The following ATAD2B variants were observed in gnomAD, a reference collection of about 807,000 sequenced individuals.
The protein encoded by ATAD2B is ATPase family AAA domain-containing protein 2B.
ATAD2B carries 40 observed loss-of-function variants against 167.6 expected under a neutral mutation model. The ratio of observed to expected loss-of-function variants is 0.24; its 90% confidence interval spans 0.19 to 0.31. ATAD2B has a LOEUF of 0.31. ATAD2B is among the 10% of genes least tolerant of loss of function. The pLI is 1.00. For missense variants in ATAD2B, 1,242 were observed against 1,757.2 expected (o/e 0.71, Z 5.24); for synonymous variants, 579 against 596.5 (o/e 0.97, Z 0.43).
intron 8 of ATAD2B, among the ~76,000 whole-genome samples, chr2:23,871,288 TA>T (rs111725128): frequency 2.0e-5 from 3 of 148,120 alleles, no homozygotes; most frequent in South Asian, 2.1e-4. Context: ...TCTGCTTTAC[TA>T]AAAAAAAAAC....
intron 1 of ATAD2B, among the ~76,000 whole-genome samples, chr2:23,903,600 A>G (rs1701095473): frequency 6.6e-6 from 1 of 152,214 alleles, no homozygotes; most frequent in African/African-American, 2.4e-5. Context: ...AAGTGAGGCA[A>G]AAGAACTTGA....
At chr2:23,711,571 A>G in the ATAD2B span, among the ~76,000 whole-genome samples, 1 of 151,706 alleles carries the variant, frequency 6.6e-6, no homozygotes, top group Non-Finnish European at 1.5e-5. Context: ...GGGTTTCACC[A>G]TGTTGGCCAG....
At chr2:23,780,139 C>G (rs1470181382) in intron 22 of ATAD2B, among the ~76,000 whole-genome samples, 5 of 151,678 alleles carry the variant, frequency 3.3e-5, no homozygotes, top group African/African-American at 7.3e-5. Context: ...TACCCAGCTA[C>G]CAGGAGGCTA....
chr2:23,703,591 C>T, the ATAD2B span: 3 of 1,238,550 alleles, frequency 2.4e-6, no homozygotes, highest in African/African-American at 4.5e-5. Flanking sequence ...CCGGACCCAT[C>T]CCCAGGCCAA....
At chr2:23,888,839 A>T (rs990327228) in intron 2 of ATAD2B, among the ~76,000 whole-genome samples, 2 of 152,220 alleles carry the variant, frequency 1.3e-5, no homozygotes, top group African/African-American at 4.8e-5. Context: ...TAATTTCTTC[A>T]AAGTATTTTA....
intron 1 of ATAD2B, among the ~76,000 whole-genome samples, chr2:23,915,222 T>C (rs925622966): frequency 2.0e-5 from 3 of 152,120 alleles, no homozygotes; most frequent in Non-Finnish European, 4.4e-5. Flanking sequence ...ATATCACTTA[T>C]GAAAACTTAA....
At position 23,758,169 on chromosome 2, in the gene ATAD2B, TTAAACAGGACCCAAAAGAAAG is replaced by T. The variant is rs1487802675; in HGVS notation, c.3395-89_3395-69del. On this transcript the variant is annotated intron_variant, in intron 24 of 27. Transcript: ENST00000238789. Reference sequence around the variant, plus strand: ...GCAATACCAATTTTACATATGTTTATTAAACAGGACCCAAAAGAAAGTAAACCCATGCTGATGTAACACACA... The same window carrying T: ...GCAATACCAATTTTACATATGTTTATTAAACCCATGCTGATGTAACACACA... 7.0e-6 allele frequency: 9 copies of T among 1,282,062 alleles called. No homozygotes were observed. In the Admixed American group the frequency reaches 2.2e-4, roughly 31 times the overall value. 79.4% of individuals were successfully genotyped at this position (1,282,062 alleles called of 1,614,324 possible).
Position 23,796,769 on chromosome 2 carries a change from A to G in ATAD2B, c.2640+1369T>C, listed in dbSNP as rs973167437. ...ATAATACTAATACCAAACATTTAATAGCTCCATGGTTTCAAAAGAAATTCA... is the reference window on the plus strand; with the variant it reads ...ATAATACTAATACCAAACATTTAATGGCTCCATGGTTTCAAAAGAAATTCA... On this transcript the variant is annotated intron_variant, in intron 19 of 27. Transcript: ENST00000238789. Among the ~76,000 whole-genome samples, 9 of 152,300 alleles carry G rather than the reference A, an allele frequency of 5.9e-5. No homozygotes were observed. The South Asian group carries it at 1.9e-3, about 32-fold the overall frequency.
chr2:23,838,083 A>C (rs750146278), intron 13 of ATAD2B, among the ~76,000 whole-genome samples: 3 of 152,154 alleles, frequency 2.0e-5, no homozygotes, highest in Non-Finnish European at 1.5e-5. Context: ...CTCCTTCCCA[A>C]ACACACTGCT....
intron 1 of ATAD2B, among the ~76,000 whole-genome samples, chr2:23,902,296 T>A (rs1700940515): frequency 1.3e-5 from 2 of 152,208 alleles, no homozygotes; most frequent in African/African-American, 4.8e-5. Context: ...TTTGGCTCTA[T>A]GACAGAGACC....
chr2:23,922,397 T>C (rs1247058807), intron 1 of ATAD2B, among the ~76,000 whole-genome samples: 3 of 151,854 alleles, frequency 2.0e-5, no homozygotes, highest in Non-Finnish European at 4.4e-5. Flanking sequence ...AGCCACAGTA[T>C]ACAGGAGTAA....
chr2:23,718,419 T>G, the ATAD2B span, among the ~76,000 whole-genome samples: 2 of 152,146 alleles, frequency 1.3e-5, no homozygotes, highest in African/African-American at 4.8e-5. Context: ...CTTAGGAGCC[T>G]GAGAGTCAGG....
the ATAD2B span, among the ~76,000 whole-genome samples, chr2:23,715,085 C>A: frequency 6.6e-6 from 1 of 152,074 alleles, no homozygotes; most frequent in African/African-American, 2.4e-5. Flanking sequence ...AACAACCAAC[C>A]CACACATCCA....
chr2:23,692,015 C>T, the ATAD2B span: 2 of 779,994 alleles, frequency 2.6e-6, no homozygotes, highest in Non-Finnish European at 4.1e-6. Flanking sequence ...TTTGGCAGGG[C>T]TGTTTTAAGA....
At chr2:23,904,792 C>A (rs921282975) in intron 1 of ATAD2B, among the ~76,000 whole-genome samples, 2 of 151,968 alleles carry the variant, frequency 1.3e-5, no homozygotes, top group Admixed American at 1.3e-4. Flanking sequence ...AACAAGTATT[C>A]CTGTTTTCAC....
At chr2:23,699,762 G>A in the ATAD2B span, among the ~76,000 whole-genome samples, 2 of 152,148 alleles carry the variant, frequency 1.3e-5, no homozygotes, top group Non-Finnish European at 2.9e-5. Flanking sequence ...CCCACCACAC[G>A]AGAAGGGAAG....
intron 24 of ATAD2B, among the ~76,000 whole-genome samples, chr2:23,760,270 C>T (rs907777420): frequency 2.0e-4 from 30 of 152,172 alleles, no homozygotes; most frequent in African/African-American, 7.0e-4. Context: ...CACATTAGCT[C>T]CACAAGAAGA....
At chr2:23,742,467 C>T in the ATAD2B span, among the ~76,000 whole-genome samples, 4 of 149,076 alleles carry the variant, frequency 2.7e-5, no homozygotes, top group Non-Finnish European at 5.9e-5. Context: ...AAAAACCAAA[C>T]ACCACATGTT....
At chr2:23,916,478 C>A (rs1175559549) in intron 1 of ATAD2B, among the ~76,000 whole-genome samples, 3 of 152,106 alleles carry the variant, frequency 2.0e-5, no homozygotes, top group Non-Finnish European at 4.4e-5. Flanking sequence ...TTTCTAAATT[C>A]AAGTCCAAAA....
Sources: gnomAD v4.1 joint callset for allele counts (sites outside exome capture counted in the v4.1 genomes callset) on GRCh38, gnomAD v4.1.1 for gene constraint, MANE v1.5 for transcripts, NCBI Gene and HGNC (gene_info 2026-07-23, HGNC 2026-07-21) for gene names.